USH2A: variants seen among roughly 807,000 people sequenced by gnomAD.
The protein encoded by USH2A is usherin.
In USH2A, 443 loss-of-function variants were observed where a neutral mutation model predicts 538.9. The ratio of observed to expected loss-of-function variants is 0.82; its 90% confidence interval spans 0.76 to 0.89. USH2A has a LOEUF of 0.89. USH2A is among the 40% of genes least tolerant of loss of function. USH2A has a pLI of 0.00. For synonymous variants in USH2A, 2,413 were observed against 2,273.5 expected (o/e 1.06, Z -1.75); for missense variants, 6,633 against 6,324.8 (o/e 1.05, Z -1.65).
chr1:216,047,512 G>A lies in USH2A; in HGVS notation c.6164-920C>T, dbSNP rs115640005. 4.5e-3 allele frequency among the ~76,000 whole-genome samples: 691 copies of A among 151,902 alleles called. 8 individuals are homozygous for A. The highest frequency in any genetic ancestry group is 0.016 in the African/African-American group (661 of 41,222). ...TGACAGCATAGTTCAGGTGAGGGGA[G>A]TCTGATTGGTTTAGGTAAAAAATAC... On this transcript the variant is annotated intron_variant, in intron 31 of 71. Transcript: ENST00000307340.
chr1:216,190,876 C>T (rs772645472), intron 19 of USH2A, among the ~76,000 whole-genome samples: 12 of 151,976 alleles, frequency 7.9e-5, no homozygotes, highest in Non-Finnish European at 1.5e-4. Flanking sequence ...AAACATTAAG[C>T]ATATTACTGA....
At chr1:216,419,493 A>G (rs137991963) in intron 2 of USH2A, among the ~76,000 whole-genome samples, 2 of 152,052 alleles carry the variant, frequency 1.3e-5, no homozygotes, top group East Asian at 3.9e-4. Flanking sequence ...GTTACCTCCT[A>G]CTTAGCTTTG....
intron 64 of USH2A, among the ~76,000 whole-genome samples, chr1:215,664,406 G>T (rs1657540658): frequency 6.6e-6 from 1 of 152,106 alleles, no homozygotes; most frequent in African/African-American, 2.4e-5. Flanking sequence ...ATCTGAAGCT[G>T]ATTTCATACA....
At chr1:216,043,352 C>A (rs1202691636) in intron 32 of USH2A, among the ~76,000 whole-genome samples, 2 of 151,888 alleles carry the variant, frequency 1.3e-5, no homozygotes, top group African/African-American at 4.8e-5. Context: ...TCCCAATATG[C>A]TTCATATCTT....
At chr1:216,031,924 A>G (rs1335692065) in intron 32 of USH2A, among the ~76,000 whole-genome samples, 1 of 152,160 alleles carries the variant, frequency 6.6e-6, no homozygotes, top group Non-Finnish European at 1.5e-5. Context: ...TCGACTCTAA[A>G]GCCTGTGAAC....
At chr1:216,167,416 C>T (rs1454903108) in intron 21 of USH2A, among the ~76,000 whole-genome samples, 1 of 152,098 alleles carries the variant, frequency 6.6e-6, no homozygotes. Flanking sequence ...GGTGAGTGGG[C>T]TCAAGCATGC....
At chr1:215,717,575 G>A (rs911065945) in intron 61 of USH2A, among the ~76,000 whole-genome samples, 12 of 152,092 alleles carry the variant, frequency 7.9e-5, no homozygotes, top group Admixed American at 6.6e-4. Context: ...AATACACGAC[G>A]AGTTTCAGAG....
intron 49 of USH2A, among the ~76,000 whole-genome samples, chr1:215,801,395 T>TAA (rs544514897): frequency 7.4e-6 from 1 of 135,044 alleles, no homozygotes. Flanking sequence ...ATAAAGATTC[T>TAA]AAAAAAAAAA....
chr1:215,993,067 G>A lies in USH2A; in HGVS notation c.6758C>T (p.Ser2253Leu), dbSNP rs1192444970. The A allele has an allele frequency of 6.2e-7, 1 of 1,614,124 alleles. No homozygotes were observed. Among genetic ancestry groups the A allele is most frequent in the Admixed American group, 1.7e-5 (1 of 60,018 alleles). The change falls in exon 35 of 72, where the codon TCA becomes TTA. Residue 2253 changes from serine (S) to leucine (L), a missense_variant. Coordinates refer to ENST00000307340, the MANE Select transcript of USH2A (RefSeq NM_206933.4). Reference sequence around the variant, plus strand: ...CCAGGAGACATTAAAGGAGTCAGGTGAATATGAGTGGGCTTTGGGGGCTGG... The same window carrying A: ...CCAGGAGACATTAAAGGAGTCAGGTAAATATGAGTGGGCTTTGGGGGCTGG... The part of the protein sequence containing the change: ...GVPAPKAHSY[S>L]PDSFNVSWTE...
intron 27 of USH2A, among the ~76,000 whole-genome samples, chr1:216,076,484 A>G (rs1370502163): frequency 1.3e-5 from 2 of 152,064 alleles, no homozygotes; most frequent in African/African-American, 4.8e-5. Context: ...AATTCAAAGA[A>G]CAAGGCTGTA....
intron 32 of USH2A, among the ~76,000 whole-genome samples, chr1:216,001,319 T>C (rs78035635): frequency 7.8e-4 from 119 of 152,230 alleles, no homozygotes; most frequent in African/African-American, 2.5e-3. Flanking sequence ...AATGAATAAT[T>C]AATGAATGAA....
chr1:215,853,655 A>G (rs994862461), intron 44 of USH2A, among the ~76,000 whole-genome samples: 7 of 152,196 alleles, frequency 4.6e-5, no homozygotes, highest in African/African-American at 1.7e-4. Flanking sequence ...TCACCTCTTG[A>G]ATGTTTTGCT....
rs779863964 is a variant in USH2A at position 216,089,156 on chromosome 1, A to C, written c.4759-17T>G. ...TGGTGACCCCTTAAGGGAATGAATGAATAAATAAATGTTTATACATGCATA... is the reference window on the plus strand; with the variant it reads ...TGGTGACCCCTTAAGGGAATGAATGCATAAATAAATGTTTATACATGCATA... On this transcript the variant is annotated splice_polypyrimidine_tract_variant and intron_variant, in intron 22 of 71. Coordinates refer to ENST00000307340, the MANE Select transcript of USH2A (RefSeq NM_206933.4). 1 of 1,607,356 alleles carries C rather than the reference A, an allele frequency of 6.2e-7. No homozygotes were observed. The highest frequency in any genetic ancestry group is 1.7e-5 in the Admixed American group (1 of 59,972).
chr1:215,781,447 C>A (rs2102762101), intron 54 of USH2A, among the ~76,000 whole-genome samples: 1 of 152,270 alleles, frequency 6.6e-6, no homozygotes, highest in South Asian at 2.1e-4. Flanking sequence ...TTGACAATAT[C>A]CGTGACTCTT....
chr1:215,863,536 T>C (rs1664385939), intron 44 of USH2A, among the ~76,000 whole-genome samples: 1 of 152,212 alleles, frequency 6.6e-6, no homozygotes. Context: ...GTTTTAAACT[T>C]GCCCTCTTAA....
At chr1:215,767,234 A>G (rs796070837) in intron 55 of USH2A, among the ~76,000 whole-genome samples, 8 of 152,272 alleles carry the variant, frequency 5.3e-5, no homozygotes, top group African/African-American at 1.9e-4. Context: ...GAACAAATCT[A>G]ATTTCTTTTC....
intron 3 of USH2A, among the ~76,000 whole-genome samples, chr1:216,384,232 A>C (rs1169941768): frequency 1.3e-5 from 2 of 151,900 alleles, no homozygotes; most frequent in Admixed American, 6.5e-5. Context: ...ATAATTTCTA[A>C]ATATATCAAG....
intron 61 of USH2A, among the ~76,000 whole-genome samples, chr1:215,684,519 G>C (rs1358469108): frequency 6.6e-6 from 1 of 152,156 alleles, no homozygotes; most frequent in East Asian, 1.9e-4. Context: ...GCAGTTTCCA[G>C]AGCTTTCCCT....
intron 29 of USH2A, among the ~76,000 whole-genome samples, 178 bp from the exon 30 acceptor site, chr1:216,070,470 GTTTAAGCGATA>G (rs1312608969): frequency 6.6e-6 from 1 of 152,122 alleles, no homozygotes; most frequent in Non-Finnish European, 1.5e-5. Context: ...GAGCCATTCA[GTTTAAGCGATA>G]TTTCAAAACC....
Sources: allele counts gnomAD v4.1 joint callset (sites outside exome capture counted in the v4.1 genomes callset), GRCh38; gene constraint gnomAD v4.1.1; transcripts MANE v1.5; gene names NCBI Gene and HGNC (gene_info 2026-07-23, HGNC 2026-07-21).